The following GLIS2 variants were observed in gnomAD, a reference collection of about 807,000 sequenced individuals.
GLIS2 encodes zinc finger protein GLIS2.
A neutral mutation model predicts 35.6 loss-of-function variants in GLIS2; 14 were observed. The ratio of observed to expected loss-of-function variants is 0.39; its 90% CI spans 0.26 to 0.61. The LOEUF is 0.61. GLIS2 is among the 20% of genes least tolerant of loss of function. The pLI is 0.48. For missense variants in GLIS2, 675 were observed against 713.4 expected (o/e 0.95, Z 0.61); for synonymous variants, 368 against 325.1 (o/e 1.13, Z -1.42).
chr16:4,319,855 G>T (rs777746531), intron 1 of GLIS2, among the ~76,000 whole-genome samples: 1 of 152,154 alleles, frequency 6.6e-6, no homozygotes, highest in Non-Finnish European at 1.5e-5. Context: ...CACGGAGGCC[G>T]GGTACTCGCC....
At position 4,336,885 on chromosome 16, in the gene GLIS2, G is replaced by A. The variant is rs1435244193; in HGVS notation, c.936G>A (p.Lys312=). The change falls in exon 7 of 7, where the codon AAG becomes AAA. Residue 312 remains lysine, a synonymous_variant. Coordinates refer to ENST00000433375, the MANE Select transcript of GLIS2 (RefSeq NM_032575.3). ...KRYTDPSSLR[K]HIKAHGHFVS... is the part of the protein sequence containing the mutation. Reference sequence around the variant, plus strand: ...ACACGGACCCCAGCTCACTGCGCAAGCACATCAAGGCCCATGGCCACTTTG... The same window carrying A: ...ACACGGACCCCAGCTCACTGCGCAAACACATCAAGGCCCATGGCCACTTTG... 2.5e-6 allele frequency: 4 copies of A among 1,613,320 alleles called. No homozygotes were observed. Among genetic ancestry groups the A allele is most frequent in the Non-Finnish European group, 3.4e-6 (4 of 1,180,028 alleles).
intron 1 of GLIS2, among the ~76,000 whole-genome samples, chr16:4,318,828 T>C (rs576411113): frequency 6.6e-6 from 1 of 152,338 alleles, no homozygotes; most frequent in East Asian, 1.9e-4. Context: ...CCATGTGTAT[T>C]TCTAGCCACC....
chr16:4,319,792 G>T (rs1050330660), intron 1 of GLIS2, among the ~76,000 whole-genome samples: 1 of 152,200 alleles, frequency 6.6e-6, no homozygotes, highest in African/African-American at 2.4e-5. Context: ...GCCTGGAGGA[G>T]ACCCAGGTTT....
At chr16:4,322,958 C>T (rs1440970509) in intron 1 of GLIS2, among the ~76,000 whole-genome samples, 1 of 152,226 alleles carries the variant, frequency 6.6e-6, no homozygotes, top group Non-Finnish European at 1.5e-5. Flanking sequence ...GACCCGGCCT[C>T]ATCCCTGCTC....
chr16:4,322,142 A>G (rs1444437907), intron 1 of GLIS2, among the ~76,000 whole-genome samples: 1 of 150,066 alleles, frequency 6.7e-6, no homozygotes, highest in Non-Finnish European at 1.5e-5. Context: ...TCAGGTTCCC[A>G]GGGGGCAGGG....
intron 1 of GLIS2, among the ~76,000 whole-genome samples, chr16:4,319,397 G>C (rs2053350927): frequency 6.6e-6 from 1 of 152,152 alleles, no homozygotes; most frequent in South Asian, 2.1e-4. Flanking sequence ...CCAGCTGAAA[G>C]ATGCTCTCCA....
chr16:4,328,783 A>G (rs750161036), intron 1 of GLIS2, among the ~76,000 whole-genome samples: 32 of 152,168 alleles, frequency 2.1e-4, no homozygotes, highest in Non-Finnish European at 4.1e-4. Context: ...CTCCTGGGGA[A>G]GTGTCCCCTG....
At chr16:4,325,443 T>C (rs1490058064) in intron 1 of GLIS2, 2 of 152,336 alleles carry the variant, frequency 1.3e-5, no homozygotes, top group Non-Finnish European at 2.9e-5. Context: ...CCGTGGCTTC[T>C]GGTTGTGGGT....
chr16:4,328,160 C>T (rs1158843565), intron 1 of GLIS2: 2 of 152,356 alleles, frequency 1.3e-5, no homozygotes, highest in African/African-American at 4.8e-5. Flanking sequence ...CTCGGGACCC[C>T]GCAGTAATTA....
chr16:4,337,553 C>T lies in GLIS2; in HGVS notation c.*29C>T, dbSNP rs780081159. Reference sequence around the variant, plus strand: ...CATCCTGCGGACAGTTGTGGTGCCCCCCCGGCAGCTCCCGGCACTGCCCCC... The same window carrying T: ...CATCCTGCGGACAGTTGTGGTGCCCTCCCGGCAGCTCCCGGCACTGCCCCC... On this transcript the variant is annotated 3_prime_UTR_variant, in exon 7 of 7. Coordinates refer to ENST00000433375, the MANE Select transcript of GLIS2 (RefSeq NM_032575.3). The T allele has an allele frequency of 6.5e-7, 1 of 1,542,716 alleles. No homozygotes were observed. The highest frequency in any genetic ancestry group is 1.2e-5 in the South Asian group (1 of 84,628).
intron 1 of GLIS2, among the ~76,000 whole-genome samples, chr16:4,317,679 G>A (rs183268839): frequency 1.3e-4 from 20 of 152,092 alleles, no homozygotes; most frequent in African/African-American, 3.9e-4. Context: ...GGCTGCACCT[G>A]GGAGGCCCCT....
At chr16:4,329,834 G>C (rs1385822783) in intron 1 of GLIS2, among the ~76,000 whole-genome samples, 1 of 152,210 alleles carries the variant, frequency 6.6e-6, no homozygotes, top group South Asian at 2.1e-4. Context: ...TTTTCAAGTT[G>C]TAATAATCCC....
chr16:4,325,889 C>T (rs1448411759), intron 1 of GLIS2, among the ~76,000 whole-genome samples: 1 of 134,704 alleles, frequency 7.4e-6, no homozygotes, highest in East Asian at 2.1e-4. Flanking sequence ...GACCACGCCA[C>T]TGCAGTCCAG....
At position 4,337,564 on chromosome 16, in the gene GLIS2, C is replaced by G. The variant is rs1174176429; in HGVS notation, c.*40C>G. 1 of 1,538,628 alleles carries G rather than the reference C, an allele frequency of 6.5e-7. No individual in the cohort carries two copies. The highest frequency in any genetic ancestry group is 1.2e-5 in the South Asian group (1 of 84,324). Reference sequence around the variant, plus strand: ...CAGTTGTGGTGCCCCCCCGGCAGCTCCCGGCACTGCCCCCGACGAACGGAA... The same window carrying G: ...CAGTTGTGGTGCCCCCCCGGCAGCTGCCGGCACTGCCCCCGACGAACGGAA... On this transcript the variant is annotated 3_prime_UTR_variant, in exon 7 of 7. Transcript: ENST00000433375.
intron 1 of GLIS2, chr16:4,331,586 G>C (rs1461575733): frequency 1.3e-5 from 2 of 154,338 alleles, no homozygotes; most frequent in Non-Finnish European, 2.9e-5. Flanking sequence ...GACCGAGCTG[G>C]TCTTGGCAAA....
rs1399221041 is a variant in GLIS2, at chr16:4,320,066, G to T, written c.-67+3812G>T. On this transcript the variant is annotated intron_variant, in intron 1 of 6. Coordinates refer to ENST00000433375, the MANE Select transcript of GLIS2 (RefSeq NM_032575.3). This position sits in a 1 kb window ranked among gnomAD's most constrained non-coding sequence, Gnocchi z 5.6. The stretch of plus-strand genomic sequence containing the variant: ...GATGGCTGGGGGGCGGGTGACTTGG[G>T]CTCCTCGTGCCCTTTGTCTTCGGTG... Among the ~76,000 whole-genome samples, 1 of 152,140 alleles carries T rather than the reference G, an allele frequency of 6.6e-6. No homozygotes were observed. The highest frequency in any genetic ancestry group is 1.5e-5 in the Non-Finnish European group (1 of 68,004).
At position 4,320,668 on chromosome 16, in the gene GLIS2, C is replaced by T. The variant is rs1461838166; in HGVS notation, c.-67+4414C>T. Among the ~76,000 whole-genome samples the T allele has an allele frequency of 2.0e-5, 3 of 152,168 alleles. No individual in the cohort carries two copies. Among genetic ancestry groups the T allele is most frequent in the Admixed American group, 6.5e-5 (1 of 15,288 alleles). ...CTGCCTGGGGCTGTCTAGCAAGTCC[C>T]GGCCTGCCTGGGCCAGTTCTCCCCT... is the stretch of plus-strand genomic sequence containing the variant. On this transcript the variant is annotated intron_variant, in intron 1 of 6. Coordinates refer to ENST00000433375, the MANE Select transcript of GLIS2 (RefSeq NM_032575.3). The surrounding 1 kb of genome is among the most constrained non-coding windows in gnomAD (Gnocchi z 5.6).
intron 1 of GLIS2, among the ~76,000 whole-genome samples, chr16:4,327,648 C>G (rs1197507625): frequency 2.6e-5 from 4 of 152,056 alleles, no homozygotes; most frequent in African/African-American, 9.7e-5. Flanking sequence ...CAGCCATTGT[C>G]TCGGCCAGGG....
chr16:4,333,159 G>C (rs2053515491), intron 2 of GLIS2, among the ~76,000 whole-genome samples, 188 bp from the exon 3 acceptor site: 1 of 152,152 alleles, frequency 6.6e-6, no homozygotes, highest in African/African-American at 2.4e-5. Context: ...TCTGGCGGCT[G>C]GTAAAGCTCA....
Sources: gnomAD v4.1 joint callset for allele counts (sites outside exome capture counted in the v4.1 genomes callset) on GRCh38, gnomAD v4.1.1 for gene constraint, Gnocchi (gnomAD v3.1) non-coding constraint, MANE v1.5 for transcripts, NCBI Gene and HGNC (gene_info 2026-07-23, HGNC 2026-07-21) for gene names.